Variants in RAB11FIP2 observed in about 807,000 individuals in gnomAD.
RAB11FIP2 encodes rab11 family-interacting protein 2.
A neutral mutation model predicts 40.9 loss-of-function variants in RAB11FIP2; 16 were observed. The ratio of observed to expected loss-of-function variants is 0.39; its 90% CI spans 0.26 to 0.59. RAB11FIP2 has a LOEUF of 0.59. Ranked by LOEUF, RAB11FIP2 falls within the 20% of genes least tolerant of loss-of-function variation. The pLI, the probability that RAB11FIP2 is intolerant of heterozygous loss-of-function variation, is 0.53. For missense variants in RAB11FIP2, 532 were observed against 606.2 expected (o/e 0.88, Z 1.28); for synonymous variants, 228 against 213.7 (o/e 1.07, Z -0.58).
At chr10:118,042,520 C>T (rs1382103542) in intron 1 of RAB11FIP2, among the ~76,000 whole-genome samples, 3 of 152,104 alleles carry the variant, frequency 2.0e-5, no homozygotes, top group Non-Finnish European at 4.4e-5. Context: ...TAAGGTTAAC[C>T]ACATGGCTGG....
At chr10:118,037,926 CTA>C (rs1846502870) in intron 3 of RAB11FIP2, among the ~76,000 whole-genome samples, 1 of 152,040 alleles carries the variant, frequency 6.6e-6, no homozygotes, top group Admixed American at 6.6e-5. Flanking sequence ...TAAATTATCT[CTA>C]GATTACTTAT....
At chr10:118,031,112 A>G (rs1189540898) in intron 3 of RAB11FIP2, among the ~76,000 whole-genome samples, 1 of 152,186 alleles carries the variant, frequency 6.6e-6, no homozygotes, top group African/African-American at 2.4e-5. Flanking sequence ...TAAAAGATTT[A>G]TAGCCTACCA....
At chr10:118,031,935 T>C (rs1026132915) in intron 3 of RAB11FIP2, among the ~76,000 whole-genome samples, 5 of 152,074 alleles carry the variant, frequency 3.3e-5, no homozygotes, top group Admixed American at 1.3e-4. Context: ...CAAAATTCTC[T>C]GGTAAAAATA....
At chr10:118,019,232 A>G (rs1213748342) in intron 3 of RAB11FIP2, among the ~76,000 whole-genome samples, 2 of 152,032 alleles carry the variant, frequency 1.3e-5, no homozygotes, top group Non-Finnish European at 2.9e-5. Context: ...CTCTTTCCAA[A>G]CCCCACTACT....
rs746085010 is a variant in RAB11FIP2, at chr10:118,039,475, G to C, written c.797-35C>G. On this transcript the variant is annotated intron_variant, in intron 2 of 4. Coordinates refer to ENST00000355624, the MANE Select transcript of RAB11FIP2 (RefSeq NM_014904.3). ...ATTTTGTAGTTAGTACATAATCAGT[G>C]ACACATTACATCACACTATTTGACA... is the stretch of plus-strand genomic sequence containing the variant. 3.3e-6 allele frequency: 5 copies of C among 1,523,008 alleles called. No homozygotes were observed. In the Admixed American group the frequency reaches 8.5e-5, roughly 26 times the overall value. 94.3% of individuals were successfully genotyped at this position (1,523,008 alleles called of 1,614,324 possible).
chr10:118,011,124 T>C (rs1284415611), intron 4 of RAB11FIP2, among the ~76,000 whole-genome samples: 2 of 152,022 alleles, frequency 1.3e-5, no homozygotes, highest in African/African-American at 2.4e-5. Flanking sequence ...GCTATTGAAA[T>C]ATGAAAGACC....
chr10:118,019,228 C>T (rs1434139319), intron 3 of RAB11FIP2, among the ~76,000 whole-genome samples: 1 of 152,090 alleles, frequency 6.6e-6, no homozygotes, highest in African/African-American at 2.4e-5. Flanking sequence ...ATATCTCTTT[C>T]CAAACCCCAC....
chr10:118,037,023 TTTTCTTC>T (rs1366674464), intron 3 of RAB11FIP2, among the ~76,000 whole-genome samples: 1 of 152,098 alleles, frequency 6.6e-6, no homozygotes, highest in Non-Finnish European at 1.5e-5. Context: ...ATTTTCTTGC[TTTTCTTC>T]TGACTCTAAA....
At chr10:118,009,811 G>C (rs1367138790) in intron 4 of RAB11FIP2, among the ~76,000 whole-genome samples, 2 of 152,082 alleles carry the variant, frequency 1.3e-5, no homozygotes, top group Non-Finnish European at 2.9e-5. Context: ...GAAACAGGCA[G>C]AACTTTTCCT....
rs1479938340 is a variant in RAB11FIP2, at chr10:118,006,896, A to G, written c.*2102T>C. 3.9e-5 allele frequency: 6 copies of G among 152,558 alleles called. No individual in the cohort carries two copies. In the East Asian group the frequency reaches 1.2e-3, roughly 29 times the overall value. The allele number at this position is 152,558 out of a possible 1,614,324, so 9.5% of individuals were successfully genotyped here. ...GCTCCTTAAAAATCAATTTCCCCAT[A>G]AAAAGAAGAGCAGTACTTGAACCAT... On this transcript the variant is annotated 3_prime_UTR_variant, in exon 5 of 5. Coordinates refer to ENST00000355624, the MANE Select transcript of RAB11FIP2 (RefSeq NM_014904.3).
chr10:118,019,961 G>C (rs1414624043), intron 3 of RAB11FIP2, among the ~76,000 whole-genome samples: 1 of 152,098 alleles, frequency 6.6e-6, no homozygotes, highest in African/African-American at 2.4e-5. Context: ...GTATTTCATC[G>C]ATAATGAAGC....
intron 3 of RAB11FIP2, among the ~76,000 whole-genome samples, chr10:118,033,055 T>C (rs1267528845): frequency 6.6e-6 from 1 of 152,084 alleles, no homozygotes; most frequent in Non-Finnish European, 1.5e-5. Context: ...AATTAAACTT[T>C]ATCATAGGTA....
At chr10:118,038,926 T>C (rs770362856) in intron 3 of RAB11FIP2, 46 bp downstream of exon 3, 45 of 1,291,506 alleles carry the variant, frequency 3.5e-5, no homozygotes, top group East Asian at 7.1e-5. Flanking sequence ...TACCTTCAAG[T>C]ACAAGATTTT....
chr10:118,029,700 G>A (rs1846390174), intron 3 of RAB11FIP2, among the ~76,000 whole-genome samples: 1 of 152,048 alleles, frequency 6.6e-6, no homozygotes, highest in Admixed American at 6.6e-5. Flanking sequence ...CACTGAGACA[G>A]CAGGTAACAG....
At chr10:118,015,502 G>T (rs922398779) in intron 3 of RAB11FIP2, among the ~76,000 whole-genome samples, 4 of 152,102 alleles carry the variant, frequency 2.6e-5, no homozygotes, top group African/African-American at 9.7e-5. Context: ...GTAAATTTAG[G>T]TTGGAAAGAT....
chr10:118,017,975 C>T (rs1461786768), intron 3 of RAB11FIP2: 1 of 152,130 alleles, frequency 6.6e-6, no homozygotes, highest in African/African-American at 2.4e-5. Context: ...CCTAAGAATG[C>T]TGAAAATGTC....
At chr10:118,031,952 A>G (rs1429595331) in intron 3 of RAB11FIP2, among the ~76,000 whole-genome samples, 1 of 152,078 alleles carries the variant, frequency 6.6e-6, no homozygotes, top group South Asian at 2.1e-4. Flanking sequence ...AATATCTCCC[A>G]TTAAATTATT....
At chr10:118,033,479 A>G (rs116340828) in intron 3 of RAB11FIP2, among the ~76,000 whole-genome samples, 60 of 152,246 alleles carry the variant, frequency 3.9e-4, no homozygotes, top group Middle Eastern at 3.4e-3. Flanking sequence ...TACTTCTTCT[A>G]TATCAGCAGA....
In RAB11FIP2 at chr10:118,008,085, C is replaced by A. The variant is rs1266686672; in HGVS notation, c.*913G>T. 1 of 152,412 alleles carries A rather than the reference C, an allele frequency of 6.6e-6. No homozygotes were observed. The highest frequency in any genetic ancestry group is 1.5e-5 in the Non-Finnish European group (1 of 67,990). 9.4% of individuals were successfully genotyped at this position (152,412 alleles called of 1,614,324 possible). On this transcript the variant is annotated 3_prime_UTR_variant, in exon 5 of 5. Coordinates refer to ENST00000355624, the MANE Select transcript of RAB11FIP2 (RefSeq NM_014904.3). ...GCTTTGCTAGTGATTTAAAGGCATG[C>A]AGAATTTCAACAAAACAAGCTATAT...
Sources: gnomAD v4.1 joint callset for allele counts (sites outside exome capture counted in the v4.1 genomes callset) on GRCh38, gnomAD v4.1.1 for gene constraint, MANE v1.5 for transcripts, NCBI Gene and HGNC (gene_info 2026-07-23, HGNC 2026-07-21) for gene names.